The following XIRP2 variants were observed in gnomAD, a reference collection of about 807,000 sequenced individuals.
The protein encoded by XIRP2 is xin actin binding repeat containing 2.
XIRP2 carries 236 observed loss-of-function variants against 277.0 expected under a neutral mutation model. That is an observed-to-expected ratio of 0.85 (90% CI 0.77 to 0.95). XIRP2 has a LOEUF of 0.95. Among genes scored for constraint, XIRP2 ranks in the 40% least tolerant of loss-of-function variants. The pLI is 0.00. For synonymous variants in XIRP2, 1,490 were observed against 1,416.5 expected, an observed-to-expected ratio of 1.05 and a Z score of -1.17; for missense variants, 4,640 against 4,157.5, an observed-to-expected ratio of 1.12 and a Z score of -3.19.
In XIRP2 at chr2:167,049,951, T is replaced by C. The variant is rs556272829; in HGVS notation, c.409-85958T>C. Among the ~76,000 whole-genome samples, 8 of 152,192 alleles carry C rather than the reference T, an allele frequency of 5.3e-5. No individual in the cohort carries two copies. In the South Asian group the frequency reaches 1.7e-3, roughly 32 times the overall value. Reference sequence around the variant, plus strand: ...TTTACAAGATAAAGAATTTAAGATATCTCATTCCCTCAGGCTTTGATTTGG... The same window carrying C: ...TTTACAAGATAAAGAATTTAAGATACCTCATTCCCTCAGGCTTTGATTTGG... On this transcript the variant is annotated intron_variant, in intron 2 of 10. Transcript: ENST00000409195.
chr2:166,962,023 A>G (rs1236560517), intron 2 of XIRP2, among the ~76,000 whole-genome samples: 1 of 151,702 alleles, frequency 6.6e-6, no homozygotes, highest in Non-Finnish European at 1.5e-5. Context: ...AAAAGAGACA[A>G]TGAGTGGCCA....
chr2:167,150,933 A>G (rs1365970593), intron 3 of XIRP2, among the ~76,000 whole-genome samples: 1 of 151,956 alleles, frequency 6.6e-6, no homozygotes, highest in Non-Finnish European at 1.5e-5. Flanking sequence ...TGTTATCTCA[A>G]TTTCTTTTTA....
chr2:167,160,411 G>A (rs1401435270), intron 3 of XIRP2, among the ~76,000 whole-genome samples: 10 of 152,148 alleles, frequency 6.6e-5, no homozygotes, highest in African/African-American at 1.7e-4. Context: ...GTCTGCTTTC[G>A]TGCTGCTAAT....
At chr2:166,954,333 A>G (rs1203169784) in intron 2 of XIRP2, among the ~76,000 whole-genome samples, 6 of 151,948 alleles carry the variant, frequency 3.9e-5, no homozygotes, top group Non-Finnish European at 1.5e-5. Context: ...AATTATTTCA[A>G]TCATTAGAGA....
At position 167,250,383 on chromosome 2, in the gene XIRP2, T is replaced by C; in HGVS notation, c.8991T>C (p.Val2997=). The change falls in exon 9 of 11, where the codon GTT becomes GTC. Residue 2997 remains valine (V), a synonymous_variant. Coordinates refer to ENST00000409195, the MANE Select transcript of XIRP2 (RefSeq NM_152381.6). ...LISEDKREYA[V]HIAMENNLEK... is the part of the protein sequence containing the mutation. The stretch of plus-strand genomic sequence containing the variant: ...GTGAAGATAAGAGAGAATATGCAGT[T>C]CACATTGCCATGGAGAATAATTTAG... 3.1e-6 allele frequency: 5 copies of C among 1,613,492 alleles called. No individual in the cohort carries two copies. Among genetic ancestry groups the C allele is most frequent in the Non-Finnish European group, 4.2e-6 (5 of 1,179,676 alleles).
At chr2:167,124,337 T>C (rs1466737677) in intron 2 of XIRP2, 1 of 152,184 alleles carries the variant, frequency 6.6e-6, no homozygotes, top group Non-Finnish European at 1.5e-5. Context: ...TCATTATACA[T>C]AGAGATATAA....
chr2:167,079,289 G>GTT (rs1192315883), intron 2 of XIRP2, among the ~76,000 whole-genome samples: 1 of 152,022 alleles, frequency 6.6e-6, no homozygotes, highest in East Asian at 1.9e-4. Flanking sequence ...GTTGGCATGT[G>GTT]TTTTTCTTTT....
chr2:167,108,678 A>G (rs1444528235), intron 2 of XIRP2, among the ~76,000 whole-genome samples: 2 of 152,118 alleles, frequency 1.3e-5, no homozygotes, highest in African/African-American at 4.8e-5. Flanking sequence ...TTAAGAATAG[A>G]TGTTCTGCTT....
chr2:166,936,097 T>C (rs1319193261), intron 2 of XIRP2, among the ~76,000 whole-genome samples: 1 of 152,184 alleles, frequency 6.6e-6, no homozygotes, highest in Non-Finnish European at 1.5e-5. Flanking sequence ...TTTTAATGAT[T>C]GCCATTCTAA....
chr2:167,142,494 G>A (rs1350850630), intron 3 of XIRP2, among the ~76,000 whole-genome samples: 2 of 152,018 alleles, frequency 1.3e-5, no homozygotes, highest in Admixed American at 6.6e-5. Context: ...GTTGCAGTGA[G>A]CTGAGATCAT....
Position 167,259,177 on chromosome 2 carries a change from A to T in XIRP2, c.*1360A>T. 2.5e-6 allele frequency: 4 copies of T among 1,613,420 alleles called. No individual in the cohort carries two copies. The highest frequency in any genetic ancestry group is 3.4e-6 in the Non-Finnish European group (4 of 1,179,660). The stretch of plus-strand genomic sequence containing the variant: ...CATGCTTGGATTTAAGGGAATTTGG[A>T]AAGGATGTTAAACCTTGGCATGTTG... On this transcript the variant is annotated 3_prime_UTR_variant, in exon 11 of 11. Coordinates refer to ENST00000409195, the MANE Select transcript of XIRP2 (RefSeq NM_152381.6).
intron 10 of XIRP2, among the ~76,000 whole-genome samples, chr2:167,255,119 C>T (rs1574005754): frequency 6.6e-6 from 1 of 151,712 alleles, no homozygotes; most frequent in South Asian, 2.1e-4. Flanking sequence ...GTAAGAGGTC[C>T]TCACAATTAT....
At chr2:167,163,931 G>T (rs576517484) in intron 3 of XIRP2, among the ~76,000 whole-genome samples, 21 of 152,106 alleles carry the variant, frequency 1.4e-4, no homozygotes, top group Non-Finnish European at 2.8e-4. Context: ...TTGCTTTGGT[G>T]CTGTTGTCAA....
At chr2:167,008,018 T>C (rs1009622221) in intron 2 of XIRP2, among the ~76,000 whole-genome samples, 8 of 151,588 alleles carry the variant, frequency 5.3e-5, no homozygotes, top group African/African-American at 1.9e-4. Context: ...ATTCCAGTTA[T>C]GTATTTCTGT....
At chr2:167,223,778 G>A (rs1694503406) in intron 5 of XIRP2, among the ~76,000 whole-genome samples, 1 of 152,102 alleles carries the variant, frequency 6.6e-6, no homozygotes, top group Non-Finnish European at 1.5e-5. Flanking sequence ...AATGTATCTT[G>A]TATTGTCTTT....
At chr2:166,996,868 G>C (rs911628553) in intron 2 of XIRP2, among the ~76,000 whole-genome samples, 1 of 152,012 alleles carries the variant, frequency 6.6e-6, no homozygotes, top group African/African-American at 2.4e-5. Flanking sequence ...TCCCACCTCT[G>C]TTTCGAAATT....
rs1695282665 is a variant in XIRP2, at chr2:167,246,740, G to C, written c.5348G>C (p.Gly1783Ala). ...KQEGEKEIIG[G>A]DVEGTKLLLK... Reference sequence around the variant, plus strand: ...GAAGGAGAGAAAGAAATCATTGGTGGTGATGTTGAAGGTACAAAACTGTTA... The same window carrying C: ...GAAGGAGAGAAAGAAATCATTGGTGCTGATGTTGAAGGTACAAAACTGTTA... Residue 1783 changes from glycine to alanine, a missense_variant, in exon 9 of 11, where the codon GGT (glycine) becomes GCT (alanine). Coordinates refer to ENST00000409195, the MANE Select transcript of XIRP2 (RefSeq NM_152381.6). 6.2e-7 allele frequency: 1 copy of C among 1,613,820 alleles called. No individual in the cohort carries two copies. Among genetic ancestry groups the C allele is most frequent in the Non-Finnish European group, 8.5e-7 (1 of 1,179,812 alleles).
intron 2 of XIRP2, among the ~76,000 whole-genome samples, chr2:166,974,886 A>G (rs1405920403): frequency 6.6e-6 from 1 of 152,116 alleles, no homozygotes; most frequent in East Asian, 1.9e-4. Context: ...TGAGTTGTCT[A>G]AATGAATCCT....
chr2:167,109,613 A>G (rs112076955), intron 2 of XIRP2, among the ~76,000 whole-genome samples: 4,625 of 152,266 alleles, frequency 0.03, 78 homozygotes, highest in East Asian at 0.05. Flanking sequence ...TCTAACGTTC[A>G]TGGGCATTTA....
Sources: gnomAD v4.1 joint callset for allele counts (sites outside exome capture counted in the v4.1 genomes callset) on GRCh38, gnomAD v4.1.1 for gene constraint, MANE v1.5 for transcripts, NCBI Gene and HGNC (gene_info 2026-07-23, HGNC 2026-07-21) for gene names.